Variants in SMAD9 observed in about 807,000 individuals in gnomAD.
The protein encoded by SMAD9 is MAD homolog 9.
In SMAD9, 36 loss-of-function variants were observed where a neutral mutation model predicts 46.1. The observed-to-expected ratio is 0.78, with a 90% CI of 0.60 to 1.03. The LOEUF is 1.03. Ranked by LOEUF, SMAD9 falls within the 50% of genes least tolerant of loss-of-function variation. SMAD9 has a pLI of 0.00. For synonymous variants in SMAD9, 245 were observed against 237.1 expected, an observed-to-expected ratio of 1.03 and a Z score of -0.31; for missense variants, 572 against 599.8, an observed-to-expected ratio of 0.95 and a Z score of 0.48.
intron 1 of SMAD9, among the ~76,000 whole-genome samples, chr13:36,904,477 C>G (rs185130613): frequency 2.6e-5 from 4 of 152,284 alleles, no homozygotes; most frequent in Admixed American, 2.6e-4. Context: ...GCCTTTTATT[C>G]CCTGGACGGC....
intron 1 of SMAD9, among the ~76,000 whole-genome samples, chr13:36,917,162 G>A (rs1314944912): frequency 6.6e-6 from 1 of 152,090 alleles, no homozygotes; most frequent in African/African-American, 2.4e-5. Flanking sequence ...GTTTTCATGG[G>A]TATAATGACT....
chr13:36,892,743 T>C (rs958609497), intron 1 of SMAD9, among the ~76,000 whole-genome samples: 3 of 152,152 alleles, frequency 2.0e-5, no homozygotes, highest in Non-Finnish European at 4.4e-5. Flanking sequence ...ACAACTGAGA[T>C]AGATCAATAG....
rs2058478154 is a variant in SMAD9, at chr13:36,890,129, T to G, written c.-186-10254A>C. On this transcript the variant is annotated intron_variant, in intron 1 of 6. Transcript: ENST00000379826. ...TGCTAATTTTACTTCGAAAGGCATA[T>G]CTAATTTTTTTTCTTTCTTTTTTGT... is the stretch of plus-strand genomic sequence containing the variant. Among the ~76,000 whole-genome samples, 4 of 152,216 alleles carry G rather than the reference T, an allele frequency of 2.6e-5. No individual in the cohort carries two copies. The South Asian group carries it at 8.3e-4, about 32-fold the overall frequency.
intron 1 of SMAD9, among the ~76,000 whole-genome samples, chr13:36,902,740 G>C (rs2058587154): frequency 2.0e-5 from 3 of 152,166 alleles, no homozygotes; most frequent in Admixed American, 6.5e-5. Context: ...ACAGGCGTGA[G>C]CCACCGCACC....
chr13:36,905,813 A>AAAAAC, intron 1 of SMAD9, among the ~76,000 whole-genome samples: 1 of 110,950 alleles, frequency 9.0e-6, no homozygotes, highest in South Asian at 2.9e-4. Context: ...AAAAAAAAAA[A>AAAAAC]AACTTATATC....
chr13:36,854,275 T>C (rs2058101572), intron 5 of SMAD9, among the ~76,000 whole-genome samples: 1 of 152,260 alleles, frequency 6.6e-6, no homozygotes, highest in African/African-American at 2.4e-5. Context: ...CATTCCTGTT[T>C]ATTTGTTCCA....
intron 6 of SMAD9, among the ~76,000 whole-genome samples, chr13:36,853,155 C>G (rs767660509): frequency 1.3e-5 from 2 of 152,020 alleles, no homozygotes; most frequent in Non-Finnish European, 2.9e-5. Context: ...CGTGGTGGTG[C>G]GTGCCTGTAG....
chr13:36,853,612 A>G lies in SMAD9; in HGVS notation c.1067T>C (p.Phe356Ser). ...ATAGTTGCAGTTCCGGCTCTGCACA[A>G]AGATGCTGCTGTCACTCACGCACTC... ...YAECVSDSSI[F>S]VQSRNCNYQH... The change falls in exon 6 of 7, where the codon TTT becomes TCT. Residue 356 changes from phenylalanine (F) to serine (S), a missense_variant. Physicochemically the swap from Phe to Ser is radical, Grantham distance 155. Transcript: ENST00000379826. 1 of 1,614,110 alleles carries G rather than the reference A, an allele frequency of 6.2e-7. No individual in the cohort carries two copies. Among genetic ancestry groups the G allele is most frequent in the Non-Finnish European group, 8.5e-7 (1 of 1,180,012 alleles).
chr13:36,865,347 G>A (rs1055579478), intron 5 of SMAD9, among the ~76,000 whole-genome samples, 190 bp downstream of exon 5: 26 of 152,276 alleles, frequency 1.7e-4, no homozygotes, highest in African/African-American at 6.3e-4. Context: ...TAGAGGAAGA[G>A]GGACTAAGAT....
chr13:36,874,413 A>C (rs1158792642), intron 2 of SMAD9, among the ~76,000 whole-genome samples: 1 of 152,232 alleles, frequency 6.6e-6, no homozygotes, highest in Non-Finnish European at 1.5e-5. Context: ...GGCTACTAGA[A>C]GTCAACAGAC....
At chr13:36,909,783 T>G (rs1360309563) in intron 1 of SMAD9, among the ~76,000 whole-genome samples, 1 of 152,150 alleles carries the variant, frequency 6.6e-6, no homozygotes, top group East Asian at 1.9e-4. Flanking sequence ...TGAGGGGATG[T>G]GAGAGAAAGC....
chr13:36,853,692 A>G lies in SMAD9; in HGVS notation c.1004-17T>C, dbSNP rs2058095685. 1 of 1,613,498 alleles carries G rather than the reference A, an allele frequency of 6.2e-7. No individual in the cohort carries two copies. Among genetic ancestry groups the G allele is most frequent in the African/African-American group, 1.3e-5 (1 of 74,906 alleles). ...AGTGCACACCTGCAGACACAAAAAC[A>G]CAGCCTTCCTTCACATGCCCTTTCA... On this transcript the variant is annotated splice_polypyrimidine_tract_variant and intron_variant, in intron 5 of 6. Coordinates refer to ENST00000379826, the MANE Select transcript of SMAD9 (RefSeq NM_001127217.3).
At chr13:36,885,451 A>G (rs889813131) in intron 1 of SMAD9, among the ~76,000 whole-genome samples, 4 of 152,142 alleles carry the variant, frequency 2.6e-5, no homozygotes, top group Non-Finnish European at 5.9e-5. Flanking sequence ...TGGCATTCCC[A>G]TATGTCCCAA....
chr13:36,893,389 C>CAT lies in SMAD9; in HGVS notation c.-186-13516_-186-13515dup, dbSNP rs538703517. Among the ~76,000 whole-genome samples, 166 of 146,270 alleles carry CAT rather than the reference C, an allele frequency of 1.1e-3. 2 individuals carry two copies. In the East Asian group the frequency reaches 0.019, roughly 17 times the overall value. Reference sequence around the variant, plus strand: ...CCACTTCCCTAAAGAAACTATTGTACATATATATATATATTTCCCCCTTCA... The same window carrying CAT: ...CCACTTCCCTAAAGAAACTATTGTACATATATATATATATATTTCCCCCTTCA... On this transcript the variant is annotated intron_variant, in intron 1 of 6. Coordinates refer to ENST00000379826, the MANE Select transcript of SMAD9 (RefSeq NM_001127217.3).
At chr13:36,912,180 A>C (rs538050139) in intron 1 of SMAD9, among the ~76,000 whole-genome samples, 12 of 152,340 alleles carry the variant, frequency 7.9e-5, no homozygotes, top group African/African-American at 2.9e-4. Flanking sequence ...ACCATTTAAT[A>C]GTTATCATGA....
rs189606507 is a variant in SMAD9 at position 36,898,005 on chromosome 13, C to T, written c.-186-18130G>A. Reference sequence around the variant, plus strand: ...CCGAGTAGCTAGGACTACAGGCGCCCGCCACCACACCCAGCTAATTTTTTT... The same window carrying T: ...CCGAGTAGCTAGGACTACAGGCGCCTGCCACCACACCCAGCTAATTTTTTT... On this transcript the variant is annotated intron_variant, in intron 1 of 6. Coordinates refer to ENST00000379826, the MANE Select transcript of SMAD9 (RefSeq NM_001127217.3). 4.2e-3 allele frequency among the ~76,000 whole-genome samples: 638 copies of T among 151,828 alleles called. 1 individual carries two copies. The highest frequency in any genetic ancestry group is 5.9e-3 in the Non-Finnish European group (404 of 67,918).
Position 36,896,196 on chromosome 13 carries a change from G to A in SMAD9, c.-186-16321C>T, listed in dbSNP as rs571244097. ...TGCCCAGGCTGAAGTGCAGTGGCAC[G>A]ATCTCGGCTCACTGCAACCTCTGCC... is the stretch of plus-strand genomic sequence containing the variant. On this transcript the variant is annotated intron_variant, in intron 1 of 6. Transcript: ENST00000379826. Among the ~76,000 whole-genome samples, 31 of 152,002 alleles carry A rather than the reference G, an allele frequency of 2.0e-4. 1 individual carries two copies. The South Asian group carries it at 6.2e-3, about 31-fold the overall frequency.
At chr13:36,849,725 T>C (rs1217512158) in intron 6 of SMAD9, 2 of 152,120 alleles carry the variant, frequency 1.3e-5, no homozygotes, top group Admixed American at 6.6e-5. Context: ...AGAAATAAGT[T>C]TCCACAGGAC....
intron 1 of SMAD9, among the ~76,000 whole-genome samples, chr13:36,917,798 T>C (rs567684455): frequency 6.8e-4 from 104 of 152,360 alleles, no homozygotes; most frequent in Admixed American, 9.8e-4. Context: ...ATAAAGTAGT[T>C]ACCTTAATCC....
Sources: allele counts gnomAD v4.1 joint callset (sites outside exome capture counted in the v4.1 genomes callset), GRCh38; gene constraint gnomAD v4.1.1; transcripts MANE v1.5; gene names NCBI Gene and HGNC (gene_info 2026-07-23, HGNC 2026-07-21).